Variants in MED16 observed in about 807,000 individuals in gnomAD.
The protein encoded by MED16 is mediator complex subunit 16.
In MED16, 81 loss-of-function variants were observed where a neutral mutation model predicts 84.4. The ratio of observed to expected loss-of-function variants is 0.96; its 90% CI spans 0.80 to 1.15. MED16 has a LOEUF of 1.15. Among genes scored for constraint, MED16 ranks in the 50% most tolerant of loss-of-function variants. The probability of loss-of-function intolerance (pLI) is 0.00; values close to 1 mark genes in which losing one functional copy is unlikely to be tolerated. For missense variants in MED16, 1,585 were observed against 1,245.9 expected (o/e 1.27, Z -4.10); for synonymous variants, 897 against 552.2 (o/e 1.62, Z -8.76).
rs1173268123 is a variant in MED16 at position 892,673 on chromosome 19, G to C, written c.-19+413C>G. 7.2e-3 allele frequency: 369 copies of C among 51,370 alleles called. 1 individual carries two copies. The highest frequency in any genetic ancestry group is 0.019 in the Non-Finnish European group (300 of 15,958). 3.2% of individuals were successfully genotyped at this position (51,370 alleles called of 1,614,324 possible). A position where few individuals can be genotyped will look rare whatever the true frequency, so the allele number is the denominator to read the frequency against. On this transcript the variant is annotated intron_variant, in intron 1 of 15. Transcript: ENST00000325464. ...CTATTCCCTCTCCAGGCCCCGCACC[G>C]ATAACCCCGCAGTCTCCAGGCCCTG...
chr19:868,737 C>A, intron 14 of MED16, 126 bp downstream of exon 14: 1 of 1,157,210 alleles, frequency 8.6e-7, no homozygotes, highest in Non-Finnish European at 1.2e-6. Context: ...CTGGCTCCAA[C>A]ACTCCCTCTG....
At chr19:888,039 C>T (rs1399754135) in intron 4 of MED16, among the ~76,000 whole-genome samples, 3 of 151,582 alleles carry the variant, frequency 2.0e-5, no homozygotes, top group Non-Finnish European at 4.4e-5. Context: ...CCGGTCCCTA[C>T]TAAAAATACA....
At chr19:877,243 G>A (rs2036270529) in intron 8 of MED16, 63 bp from the exon 9 acceptor site, 3 of 1,513,656 alleles carry the variant, frequency 2.0e-6, no homozygotes, top group Admixed American at 1.9e-5. Flanking sequence ...GCCGGGAGAG[G>A]AATGGGGCCC....
rs149791734 is a variant in MED16, at chr19:885,807, G to A, written c.842C>T (p.Thr281Ile). Residue 281 changes from threonine (T) to isoleucine (I), a missense_variant, in exon 5 of 16, where the codon ACC becomes ATC. Thr to Ile is a moderately conservative substitution (Grantham distance 89). Coordinates refer to ENST00000325464, the MANE Select transcript of MED16 (RefSeq NM_005481.3). ...LNRKDKFPAI[T>I]HLKFLARDMS... Reference sequence around the variant, plus strand: ...GTCCCGGGCCAGGAACTTGAGGTGGGTGATGGCGGGAAACTTGTCCTTGCG... The same window carrying A: ...GTCCCGGGCCAGGAACTTGAGGTGGATGATGGCGGGAAACTTGTCCTTGCG... 1 of 1,612,494 alleles carries A rather than the reference G, an allele frequency of 6.2e-7. No homozygotes were observed. The highest frequency in any genetic ancestry group is 8.5e-7 in the Non-Finnish European group (1 of 1,179,934).
Position 889,615 on chromosome 19 carries a change from GCTCA to G in MED16, c.447+19_447+22del. 1 of 1,592,808 alleles carries G rather than the reference GCTCA, an allele frequency of 6.3e-7. No homozygotes were observed. The highest frequency in any genetic ancestry group is 1.1e-5 in the South Asian group (1 of 89,654). On this transcript the variant is annotated intron_variant, in intron 4 of 15. Coordinates refer to ENST00000325464, the MANE Select transcript of MED16 (RefSeq NM_005481.3). Reference sequence around the variant, plus strand: ...GGGTGACATCTCATCTGCCTCATCCGCTCACTCGGGCAGGACACTCACCTTCTCC... The same window carrying G: ...GGGTGACATCTCATCTGCCTCATCCGCTCGGGCAGGACACTCACCTTCTCC...
chr19:892,246 C>T, intron 1 of MED16: 1 of 163,068 alleles, frequency 6.1e-6, no homozygotes, highest in South Asian at 1.2e-4. Context: ...CTGCCCCAGA[C>T]CCCCAAGGCT....
At position 890,160 on chromosome 19, in the gene MED16, G is replaced by A; in HGVS notation, c.254C>T (p.Thr85Ile). 1.3e-6 allele frequency: 2 copies of A among 1,551,172 alleles called. No homozygotes were observed. Among genetic ancestry groups the A allele is most frequent in the Non-Finnish European group, 1.7e-6 (2 of 1,147,278 alleles). Residue 85 changes from threonine (T) to isoleucine (I), a missense_variant, in exon 3 of 16, where the codon ACC (threonine) becomes ATC (isoleucine). By Grantham distance (89) the Thr-to-Ile change is moderately conservative. Coordinates refer to ENST00000325464, the MANE Select transcript of MED16 (RefSeq NM_005481.3). ...SIPSEHHEAI[T>I]CLEWDQSGSR... ...ACCTGACTGGTCCCACTCCAGGCAG[G>A]TGATGGCCTCGTGGTGCTCTGAGGG...
rs768910030 is a variant in MED16, at chr19:886,216, G to A, written c.448-15C>T. The A allele has an allele frequency of 4.0e-6, 6 of 1,495,954 alleles. No individual in the cohort carries two copies. The South Asian group carries it at 5.3e-5, about 13-fold the overall frequency. 92.7% of individuals were successfully genotyped at this position (1,495,954 alleles called of 1,614,324 possible). A position where few individuals can be genotyped will look rare whatever the true frequency, so the allele number is the denominator to read the frequency against. On this transcript the variant is annotated splice_polypyrimidine_tract_variant and intron_variant, in intron 4 of 15. Coordinates refer to ENST00000325464, the MANE Select transcript of MED16 (RefSeq NM_005481.3). ...GAGGCGCCCGACTGTGGAGAAGGGAGGGAGGGAGGAGGGGCCGCTCAGGCT... is the reference window on the plus strand; with the variant it reads ...GAGGCGCCCGACTGTGGAGAAGGGAAGGAGGGAGGAGGGGCCGCTCAGGCT...
chr19:871,042 G>C lies in MED16; in HGVS notation c.2310C>G (p.Leu770=). 1 of 1,542,256 alleles carries C rather than the reference G, an allele frequency of 6.5e-7. No homozygotes were observed. Among genetic ancestry groups the C allele is most frequent in the South Asian group, 1.2e-5 (1 of 83,780 alleles). ...GSAATLQLDG[L]ARAPGQPKID... ...CAATGCAGGGACACACGCACCTGGC[G>C]AGGCCGTCGAGCTGCAGGGTGGCAG... Residue 770 remains leucine, a synonymous_variant, in exon 13 of 16, where the codon CTC becomes CTG. Transcript: ENST00000325464.
chr19:868,775 C>A (rs921320510), intron 14 of MED16, 88 bp downstream of exon 14: 2 of 1,380,384 alleles, frequency 1.4e-6, no homozygotes, highest in Non-Finnish European at 2.0e-6. Context: ...CACCCTTGAC[C>A]GTCTGGAGCG....
intron 14 of MED16, 130 bp downstream of exon 14, chr19:868,733 C>T (rs2035975679): frequency 1.8e-6 from 2 of 1,141,264 alleles, no homozygotes; most frequent in African/African-American, 3.1e-5. Context: ...GATCCTGGCT[C>T]CAACACTCCC....
chr19:892,052 C>G (rs952799407), intron 1 of MED16, among the ~76,000 whole-genome samples: 5 of 151,712 alleles, frequency 3.3e-5, no homozygotes, highest in Admixed American at 3.3e-4. Context: ...TTGGGGAACA[C>G]CTGTGGCCGA....
At position 886,076 on chromosome 19, in the gene MED16, G is replaced by A. The variant is rs1426742744; in HGVS notation, c.573C>T (p.Ser191=). 1.3e-6 allele frequency: 2 copies of A among 1,595,294 alleles called. No individual in the cohort carries two copies. The highest frequency in any genetic ancestry group is 1.7e-6 in the Non-Finnish European group (2 of 1,174,880). ...AVTVSGLVTV[S]LLKPSGQVLT... is the part of the protein sequence containing the mutation. ...GCACCTGCCCGCTGGGCTTCAGCAG[G>A]GACACGGTGACCAGGCCGCTGACCG... The change falls in exon 5 of 16, where the codon TCC becomes TCT. Residue 191 remains serine (S), a synonymous_variant. Coordinates refer to ENST00000325464, the MANE Select transcript of MED16 (RefSeq NM_005481.3).
chr19:890,408 C>T, intron 2 of MED16, 164 bp from the exon 3 acceptor site: 1 of 559,684 alleles, frequency 1.8e-6, no homozygotes, highest in East Asian at 3.0e-5. Flanking sequence ...TGTCCCCCCG[C>T]AGGAACAGAG....
At chr19:878,219 T>C (rs370908929) in intron 8 of MED16, among the ~76,000 whole-genome samples, 116 of 56,418 alleles carry the variant, frequency 2.1e-3, no homozygotes, top group East Asian at 3.3e-3. Context: ...CTTCCCCTGG[T>C]TGTCAATGCC....
intron 15 of MED16, 49 bp from the exon 16 acceptor site, chr19:868,300 C>T (rs369062233): frequency 6.5e-4 from 1,025 of 1,587,102 alleles, no homozygotes; most frequent in Admixed American, 1.2e-3. Flanking sequence ...CCAGGGCGAG[C>T]GGTGGCTCTT....
chr19:887,536 C>T lies in MED16; in HGVS notation c.448-1335G>A, dbSNP rs538829046. Among the ~76,000 whole-genome samples the T allele has an allele frequency of 1.3e-4, 20 of 151,510 alleles. No individual in the cohort carries two copies. The South Asian group carries it at 4.2e-3, about 32-fold the overall frequency. ...CAAAAATTAGCCGGGCGCGGTGGTG[C>T]GTGCCTGTAATTCCAGCTACTCGGG... On this transcript the variant is annotated intron_variant, in intron 4 of 15. Coordinates refer to ENST00000325464, the MANE Select transcript of MED16 (RefSeq NM_005481.3).
At chr19:873,361 G>T in intron 11 of MED16, 88 bp downstream of exon 11, 1 of 1,332,584 alleles carries the variant, frequency 7.5e-7, no homozygotes, top group Non-Finnish European at 1.0e-6. Context: ...GGCTGAGGTG[G>T]TTTTGAGGGG....
intron 7 of MED16, 144 bp from the exon 8 acceptor site, chr19:880,292 G>A (rs1016567072): frequency 1.5e-6 from 1 of 664,896 alleles, no homozygotes; most frequent in Non-Finnish European, 2.4e-6. Flanking sequence ...CAGCGCCCGT[G>A]CCCCCAGCCA....
Sources: allele counts gnomAD v4.1 joint callset (sites outside exome capture counted in the v4.1 genomes callset), GRCh38; gene constraint gnomAD v4.1.1; transcripts MANE v1.5; gene names NCBI Gene and HGNC (gene_info 2026-07-23, HGNC 2026-07-21).